SGMS1: variants seen among roughly 807,000 people sequenced by gnomAD.
SGMS1 encodes sphingomyelin synthase 1, also known as phosphatidylcholine:ceramide cholinephosphotransferase 1.
In SGMS1, 13 loss-of-function variants were observed where a neutral mutation model predicts 46.2. The observed-to-expected ratio is 0.28, with a 90% CI of 0.18 to 0.45. SGMS1 has a LOEUF of 0.45. SGMS1 is among the 20% of genes least tolerant of loss of function. The pLI, the probability that SGMS1 is intolerant of heterozygous loss-of-function variation, is 1.00. For synonymous variants in SGMS1, 203 were observed against 187.8 expected, an observed-to-expected ratio of 1.08 and a Z score of -0.66; for missense variants, 324 against 519.9, an observed-to-expected ratio of 0.62 and a Z score of 3.66.
At chr10:50,511,378 G>A (rs939865429) in intron 3 of SGMS1, among the ~76,000 whole-genome samples, 4 of 152,058 alleles carry the variant, frequency 2.6e-5, no homozygotes, top group Non-Finnish European at 5.9e-5. Flanking sequence ...TTGTAAGCAA[G>A]CCCCATCCTC....
At chr10:50,356,476 A>G (rs987493472) in intron 6 of SGMS1, among the ~76,000 whole-genome samples, 1 of 151,984 alleles carries the variant, frequency 6.6e-6, no homozygotes, top group African/African-American at 2.4e-5. Flanking sequence ...CTTTGTTCAC[A>G]TGTTTATCTG....
At chr10:50,333,237 C>T (rs536326739) in intron 7 of SGMS1, among the ~76,000 whole-genome samples, 1 of 152,286 alleles carries the variant, frequency 6.6e-6, no homozygotes, top group East Asian at 1.9e-4. Flanking sequence ...CCCAGGGAGA[C>T]TTATGATGGT....
At chr10:50,513,585 G>A (rs1468470494) in intron 3 of SGMS1, among the ~76,000 whole-genome samples, 1 of 152,136 alleles carries the variant, frequency 6.6e-6, no homozygotes, top group Non-Finnish European at 1.5e-5. Flanking sequence ...CAGATAGGAT[G>A]TTAATATCTC....
chr10:50,512,595 C>T (rs1837766889), intron 3 of SGMS1, among the ~76,000 whole-genome samples: 1 of 152,132 alleles, frequency 6.6e-6, no homozygotes, highest in Non-Finnish European at 1.5e-5. Flanking sequence ...TCCTGCAATG[C>T]CTTCTGATCC....
intron 3 of SGMS1, among the ~76,000 whole-genome samples, chr10:50,512,153 T>C (rs767400466): frequency 2.0e-5 from 3 of 152,130 alleles, no homozygotes; most frequent in African/African-American, 7.2e-5. Context: ...TCAAGAAGCA[T>C]ACCACAGAGT....
At chr10:50,573,678 T>TA (rs1838355276) in intron 2 of SGMS1, among the ~76,000 whole-genome samples, 2 of 152,152 alleles carry the variant, frequency 1.3e-5, no homozygotes, top group African/African-American at 2.4e-5. Flanking sequence ...CTAAAATTTG[T>TA]ATGAAACCAC....
At chr10:50,623,564 C>T (rs1838878526) in intron 1 of SGMS1, 143 bp downstream of exon 1, 10 of 983,804 alleles carry the variant, frequency 1.0e-5, no homozygotes, top group Admixed American at 6.2e-5. Context: ...ACGCGCGCGG[C>T]ACCGCGCGGG....
intron 6 of SGMS1, among the ~76,000 whole-genome samples, chr10:50,352,717 G>A (rs1848042832): frequency 6.6e-6 from 1 of 152,118 alleles, no homozygotes; most frequent in African/African-American, 2.4e-5. Context: ...TAGTCTCACA[G>A]ATCTAAGCTT....
chr10:50,607,618 C>T (rs1229326076), intron 1 of SGMS1, among the ~76,000 whole-genome samples: 3 of 152,160 alleles, frequency 2.0e-5, no homozygotes, highest in African/African-American at 4.8e-5. Flanking sequence ...TTTCTCTCAA[C>T]TGGTTGTGTG....
At chr10:50,436,837 C>T (rs1158483916) in intron 5 of SGMS1, among the ~76,000 whole-genome samples, 1 of 152,104 alleles carries the variant, frequency 6.6e-6, no homozygotes, top group Non-Finnish European at 1.5e-5. Context: ...GCCTCTTTCT[C>T]CAAATGATCT....
intron 1 of SGMS1, among the ~76,000 whole-genome samples, chr10:50,599,147 A>C (rs973796551): frequency 5.9e-5 from 9 of 152,336 alleles, no homozygotes; most frequent in African/African-American, 2.2e-4. Context: ...AGACAAAAAG[A>C]ATGAGGACTG....
At chr10:50,471,416 G>A (rs748822521) in intron 3 of SGMS1, among the ~76,000 whole-genome samples, 1 of 152,206 alleles carries the variant, frequency 6.6e-6, no homozygotes, top group Non-Finnish European at 1.5e-5. Context: ...TCATAACACC[G>A]AGCTAAAGCA....
rs539780700 is a variant in SGMS1 at position 50,574,269 on chromosome 10, T to C, written c.-589+15884A>G. Reference sequence around the variant, plus strand: ...ATATCTGAAAAAAGATTAACATCTATTACATATAAAGAACTCCAAAAACTC... The same window carrying C: ...ATATCTGAAAAAAGATTAACATCTACTACATATAAAGAACTCCAAAAACTC... On this transcript the variant is annotated intron_variant, in intron 2 of 10. Coordinates refer to ENST00000361781, the MANE Select transcript of SGMS1 (RefSeq NM_147156.4). 2.0e-5 allele frequency among the ~76,000 whole-genome samples: 3 copies of C among 152,138 alleles called. No individual in the cohort carries two copies. The East Asian group carries it at 5.8e-4, about 29-fold the overall frequency.
intron 3 of SGMS1, among the ~76,000 whole-genome samples, chr10:50,517,827 G>C (rs1837818935): frequency 1.3e-5 from 2 of 151,956 alleles, no homozygotes; most frequent in African/African-American, 4.8e-5. Flanking sequence ...ATAAACAGAT[G>C]TCCTGACGGC....
intron 6 of SGMS1, among the ~76,000 whole-genome samples, chr10:50,402,591 G>A (rs751395561): frequency 6.6e-6 from 1 of 152,154 alleles, no homozygotes; most frequent in South Asian, 2.1e-4. Flanking sequence ...TATTTGAATT[G>A]TGAGGAAATC....
chr10:50,330,314 AAAAC>A (rs1346610792), intron 7 of SGMS1, among the ~76,000 whole-genome samples: 10 of 151,930 alleles, frequency 6.6e-5, no homozygotes, highest in Non-Finnish European at 1.5e-4. Context: ...AAAACAAAAC[AAAAC>A]AAACAAACAA....
Position 50,545,135 on chromosome 10 carries a change from C to T in SGMS1, c.-588-25214G>A, listed in dbSNP as rs1838089645. ...GGAAGCACACAGAGAACATCAGTAA[C>T]CTACTTCAAAGGGGGAAGCTTTATA... On this transcript the variant is annotated intron_variant, in intron 2 of 10. Coordinates refer to ENST00000361781, the MANE Select transcript of SGMS1 (RefSeq NM_147156.4). Among the ~76,000 whole-genome samples, 4 of 152,222 alleles carry T rather than the reference C, an allele frequency of 2.6e-5. No homozygotes were observed. In the South Asian group the frequency reaches 8.3e-4, roughly 32 times the overall value.
At chr10:50,310,669 T>A (rs1847239795) in intron 9 of SGMS1, among the ~76,000 whole-genome samples, 1 of 152,206 alleles carries the variant, frequency 6.6e-6, no homozygotes, top group Non-Finnish European at 1.5e-5. Context: ...TATGACAAAA[T>A]GCTAATATAT....
chr10:50,592,273 T>C (rs1322158282), intron 1 of SGMS1, among the ~76,000 whole-genome samples: 1 of 152,212 alleles, frequency 6.6e-6, no homozygotes, highest in Non-Finnish European at 1.5e-5. Context: ...AGTAAATGAA[T>C]CAATAATTTA....
Sources: gnomAD v4.1 joint callset for allele counts (sites outside exome capture counted in the v4.1 genomes callset) on GRCh38, gnomAD v4.1.1 for gene constraint, MANE v1.5 for transcripts, NCBI Gene and HGNC (gene_info 2026-07-23, HGNC 2026-07-21) for gene names.